TECPR2: variants seen among roughly 807,000 people sequenced by gnomAD.
The protein encoded by TECPR2 is tectonin beta-propeller repeat containing 2.
Under a neutral mutation model 138.1 loss-of-function variants are expected in TECPR2, and 65 were observed. The ratio of observed to expected loss-of-function variants is 0.47; its 90% CI spans 0.39 to 0.58. TECPR2 has a LOEUF of 0.58. Ranked by LOEUF, TECPR2 falls within the 20% of genes least tolerant of loss-of-function variation. The pLI, the probability that TECPR2 is intolerant of heterozygous loss-of-function variation, is 0.00. For synonymous variants in TECPR2, 746 were observed against 749.8 expected (o/e 0.99, Z 0.08); for missense variants, 1,553 against 1,824.5 (o/e 0.85, Z 2.71).
chr14:102,367,060 A>C (rs533078033), intron 1 of TECPR2, among the ~76,000 whole-genome samples: 3 of 152,324 alleles, frequency 2.0e-5, no homozygotes, highest in Admixed American at 6.5e-5. Flanking sequence ...CAGTGGAGCT[A>C]GAACTTGGAG....
chr14:102,467,706 T>C (rs1890576170), intron 17 of TECPR2, among the ~76,000 whole-genome samples: 1 of 152,232 alleles, frequency 6.6e-6, no homozygotes, highest in Non-Finnish European at 1.5e-5. Context: ...CTAGTCATCA[T>C]AGTAGTTGGA....
In TECPR2 at chr14:102,465,295, C is replaced by G. The variant is rs1890529731; in HGVS notation, c.3789+6C>G. 1 of 1,612,056 alleles carries G rather than the reference C, an allele frequency of 6.2e-7. No individual in the cohort carries two copies. On this transcript the variant is annotated splice_donor_region_variant and intron_variant, in intron 17 of 19. Coordinates refer to ENST00000359520, the MANE Select transcript of TECPR2 (RefSeq NM_014844.5). ...TGATTGAGCCACCTGTCCAGGTAAGCAGAAGTTAGCTGGTGGAACTCACTC... is the reference window on the plus strand; with the variant it reads ...TGATTGAGCCACCTGTCCAGGTAAGGAGAAGTTAGCTGGTGGAACTCACTC...
chr14:102,374,680 C>G (rs1887597695), intron 1 of TECPR2, among the ~76,000 whole-genome samples: 1 of 152,142 alleles, frequency 6.6e-6, no homozygotes, highest in African/African-American at 2.4e-5. Context: ...CATGTAGCAC[C>G]ATGCCTGACT....
intron 17 of TECPR2, among the ~76,000 whole-genome samples, chr14:102,494,119 C>T (rs1891220684): frequency 6.6e-6 from 1 of 152,210 alleles, no homozygotes; most frequent in South Asian, 2.1e-4. Context: ...AGCCCACTCA[C>T]GAAGGCTTCC....
At chr14:102,480,287 T>C (rs1890860745) in intron 17 of TECPR2, among the ~76,000 whole-genome samples, 1 of 151,460 alleles carries the variant, frequency 6.6e-6, no homozygotes, top group Non-Finnish European at 1.5e-5. Context: ...TGCAGTGGCA[T>C]GATCTCGGCT....
In TECPR2 at chr14:102,501,846, G is replaced by C. The variant is rs1263839002; in HGVS notation, c.*3589G>C. 2.0e-5 allele frequency: 3 copies of C among 152,162 alleles called. No individual in the cohort carries two copies. The highest frequency in any genetic ancestry group is 2.9e-5 in the Non-Finnish European group (2 of 68,022). The allele number at this position is 152,162 out of a possible 1,614,324, so 9.4% of individuals were successfully genotyped here. ...TAAGGGCCCTTCACAAAAGCAGAAGGAACACTGGCCCAAACCCCCAGCACC... is the reference window on the plus strand; with the variant it reads ...TAAGGGCCCTTCACAAAAGCAGAAGCAACACTGGCCCAAACCCCCAGCACC... On this transcript the variant is annotated 3_prime_UTR_variant, in exon 20 of 20. Coordinates refer to ENST00000359520, the MANE Select transcript of TECPR2 (RefSeq NM_014844.5).
chr14:102,470,402 G>C (rs992329034), intron 17 of TECPR2, among the ~76,000 whole-genome samples: 3 of 151,722 alleles, frequency 2.0e-5, no homozygotes, highest in African/African-American at 7.3e-5. Flanking sequence ...CCGTCTCCTG[G>C]GTTCTTGCAA....
chr14:102,438,231 GC>G, intron 10 of TECPR2, 26 bp downstream of exon 10: 1 of 1,580,708 alleles, frequency 6.3e-7, no homozygotes, highest in Middle Eastern at 2.0e-4. Context: ...CCCTGCTCCC[GC>G]TCCCTGCTCC....
intron 2 of TECPR2, among the ~76,000 whole-genome samples, chr14:102,386,922 C>T (rs960059713): frequency 2.6e-5 from 4 of 152,120 alleles, no homozygotes; most frequent in African/African-American, 4.8e-5. Context: ...CTTCAAGGCA[C>T]GTATCTCTGA....
chr14:102,377,214 G>A (rs1887665430), intron 2 of TECPR2, among the ~76,000 whole-genome samples: 1 of 152,168 alleles, frequency 6.6e-6, no homozygotes, highest in Non-Finnish European at 1.5e-5. Context: ...AGAGTGCAGT[G>A]GGACAATCAT....
At chr14:102,436,925 G>T in intron 9 of TECPR2, 1 of 940,182 alleles carries the variant, frequency 1.1e-6, no homozygotes, top group Non-Finnish European at 1.3e-6. Context: ...TGGGGTATTG[G>T]AATTCTAGGC....
chr14:102,447,329 G>A (rs752469040), intron 13 of TECPR2, among the ~76,000 whole-genome samples: 1 of 151,742 alleles, frequency 6.6e-6, no homozygotes, highest in Non-Finnish European at 1.5e-5. Flanking sequence ...GGCTGGTCTC[G>A]AACTCCTTGG....
chr14:102,364,754 C>A (rs933448456), intron 1 of TECPR2, among the ~76,000 whole-genome samples: 1 of 151,710 alleles, frequency 6.6e-6, no homozygotes, highest in African/African-American at 2.4e-5. Context: ...TCATATTAGC[C>A]GCTGTAGGAG....
intron 2 of TECPR2, among the ~76,000 whole-genome samples, chr14:102,386,450 A>G (rs148267339): frequency 0.04 from 6,061 of 152,264 alleles, 139 homozygotes; most frequent in Middle Eastern, 0.088. Context: ...AGCCTGGGCG[A>G]CAGAGCAAGA....
At chr14:102,391,293 C>A (rs983905192) in intron 2 of TECPR2, among the ~76,000 whole-genome samples, 1 of 152,192 alleles carries the variant, frequency 6.6e-6, no homozygotes, top group Non-Finnish European at 1.5e-5. Flanking sequence ...CTCCTGACCT[C>A]AAGTGATCCG....
chr14:102,459,654 G>T (rs1203649749), intron 16 of TECPR2, among the ~76,000 whole-genome samples: 1 of 152,216 alleles, frequency 6.6e-6, no homozygotes, highest in Admixed American at 6.5e-5. Context: ...TGTAGTCCCA[G>T]TTACTCTGGA....
At chr14:102,465,074 A>G in intron 16 of TECPR2, 67 bp from the exon 17 acceptor site, 2 of 1,562,956 alleles carry the variant, frequency 1.3e-6, no homozygotes, top group Non-Finnish European at 1.7e-6. Context: ...CAAAGTTCAT[A>G]GATTAGATGA....
chr14:102,501,772 A>G lies in TECPR2; in HGVS notation c.*3515A>G, dbSNP rs1891440176. On this transcript the variant is annotated 3_prime_UTR_variant, in exon 20 of 20. Coordinates refer to ENST00000359520, the MANE Select transcript of TECPR2 (RefSeq NM_014844.5). ...GACTCGCAAATTCATAAAGCTTTCC[A>G]TAAATATATTTATTAAAAACCAATA... 1 of 152,188 alleles carries G rather than the reference A, an allele frequency of 6.6e-6. No individual in the cohort carries two copies. 9.4% of individuals were successfully genotyped at this position (152,188 alleles called of 1,614,324 possible).
At chr14:102,427,704 G>A (rs1889361231) in intron 6 of TECPR2, among the ~76,000 whole-genome samples, 1 of 152,142 alleles carries the variant, frequency 6.6e-6, no homozygotes, top group South Asian at 2.1e-4. Flanking sequence ...TCTCCTGCAG[G>A]AATGCACACA....
Sources: gnomAD v4.1 joint callset for allele counts (sites outside exome capture counted in the v4.1 genomes callset) on GRCh38, gnomAD v4.1.1 for gene constraint, MANE v1.5 for transcripts, NCBI Gene and HGNC (gene_info 2026-07-23, HGNC 2026-07-21) for gene names.